Variants in SLC22A25 observed in about 807,000 individuals in gnomAD.
SLC22A25 encodes MGI:2442751, MGI:2385316, MGI:3042283, MGI:3645714, MGI:3605624, MGI:2442750.
SLC22A25 carries 44 observed loss-of-function variants against 45.9 expected under a neutral mutation model. The observed-to-expected ratio is 0.96, with a 90% confidence interval of 0.75 to 1.23. The LOEUF (loss-of-function observed/expected upper bound fraction) is 1.23, where lower values mean the gene tolerates loss of function less well. Ranked by LOEUF, SLC22A25 falls within the 50% of genes most tolerant of loss-of-function variation. The pLI is 0.00. For missense variants in SLC22A25, 800 were observed against 666.4 expected (o/e 1.20, Z -2.21); for synonymous variants, 283 against 238.6 (o/e 1.19, Z -1.72).
At position 63,217,565 on chromosome 11, in the gene SLC22A25, G is replaced by A. The variant is rs371024672; in HGVS notation, c.661+16C>T. 122 of 1,610,186 alleles carry A rather than the reference G, an allele frequency of 7.6e-5. No individual in the cohort carries two copies. The highest frequency in any genetic ancestry group is 5.8e-4 in the South Asian group (53 of 90,672). On this transcript the variant is annotated intron_variant, in intron 6 of 11. Transcript: ENST00000306494. ...AGCCAAGGCTTGGAAAATGTGGATCGAAAATATTGACTTACTTAACAAAAC... is the reference window on the plus strand; with the variant it reads ...AGCCAAGGCTTGGAAAATGTGGATCAAAAATATTGACTTACTTAACAAAAC...
intron 7 of SLC22A25, among the ~76,000 whole-genome samples, chr11:63,192,122 A>C (rs1279975482): frequency 6.6e-6 from 1 of 152,232 alleles, no homozygotes; most frequent in Admixed American, 6.5e-5. Context: ...AGCCCATTGG[A>C]CTAATAGTGG....
intron 3 of SLC22A25, among the ~76,000 whole-genome samples, chr11:63,235,355 T>C (rs772765885): frequency 1.3e-5 from 2 of 152,230 alleles, no homozygotes; most frequent in Non-Finnish European, 2.9e-5. Flanking sequence ...TTTTATTCTT[T>C]TTTTCTCTAA....
chr11:63,187,091 G>T (rs953200053), intron 7 of SLC22A25, among the ~76,000 whole-genome samples: 3 of 152,146 alleles, frequency 2.0e-5, no homozygotes, highest in African/African-American at 4.8e-5. Flanking sequence ...GAAAGTCATT[G>T]GTAGCTTGAT....
chr11:63,192,120 G>A lies in SLC22A25; in HGVS notation c.831-8303C>T, dbSNP rs897237381. 1.3e-5 allele frequency among the ~76,000 whole-genome samples: 2 copies of A among 152,274 alleles called. 1 individual carries two copies. The highest frequency in any genetic ancestry group is 4.1e-4 in the South Asian group (2 of 4,824). On this transcript the variant is annotated intron_variant, in intron 7 of 11. Coordinates refer to ENST00000306494, the MANE Select transcript of SLC22A25 (RefSeq NM_199352.6). ...AGTCACCTACAAAAGGAAGCCCATT[G>A]GACTAATAGTGGGCCTCTCAGATGA...
At position 63,159,270 on chromosome 11, in the gene SLC22A25, GC is replaced by G. The variant is rs1490382112; in HGVS notation, c.*4553del. ...CTTATTTCCTTTCTTTTGGGTATAT[GC>G]CTTTGATATGATTTGGCTGCACCCC... On this transcript the variant is annotated 3_prime_UTR_variant, in exon 12 of 12. Transcript: ENST00000306494. Among the ~76,000 whole-genome samples the G allele has an allele frequency of 6.6e-6, 1 of 152,098 alleles. No homozygotes were observed. The highest frequency in any genetic ancestry group is 1.5e-5 in the Non-Finnish European group (1 of 68,016).
At chr11:63,203,487 C>G (rs1477437421) in intron 7 of SLC22A25, among the ~76,000 whole-genome samples, 1 of 151,780 alleles carries the variant, frequency 6.6e-6, no homozygotes, top group Non-Finnish European at 1.5e-5. Context: ...CTGCAAAACA[C>G]AGCATGAGAA....
At chr11:63,198,373 A>G (rs967391820) in intron 7 of SLC22A25, among the ~76,000 whole-genome samples, 3 of 152,236 alleles carry the variant, frequency 2.0e-5, no homozygotes, top group Admixed American at 2.0e-4. Flanking sequence ...ACACATATAA[A>G]CCATGGAATA....
chr11:63,217,848 A>G, intron 5 of SLC22A25, 113 bp from the exon 6 acceptor site: 1 of 1,262,184 alleles, frequency 7.9e-7, no homozygotes, highest in Non-Finnish European at 1.1e-6. Context: ...GAAACTTTAC[A>G]CTTAAAACGT....
intron 9 of SLC22A25, among the ~76,000 whole-genome samples, chr11:63,176,977 A>G (rs1377312883): frequency 6.6e-6 from 1 of 151,952 alleles, no homozygotes; most frequent in Admixed American, 6.6e-5. Context: ...TTGTCTGGGA[A>G]ACTCTTTATT....
intron 7 of SLC22A25, among the ~76,000 whole-genome samples, chr11:63,208,895 C>T (rs540448227): frequency 4.6e-4 from 70 of 152,188 alleles, no homozygotes; most frequent in African/African-American, 1.5e-3. Context: ...TAACAGGACC[C>T]GGTCTGGTGG....
At chr11:63,188,004 C>T (rs1297060739) in intron 7 of SLC22A25, among the ~76,000 whole-genome samples, 1 of 151,968 alleles carries the variant, frequency 6.6e-6, no homozygotes, top group Admixed American at 6.6e-5. Context: ...GTCTAAAATT[C>T]TCTTTTTTTA....
chr11:63,217,999 G>A lies in SLC22A25; in HGVS notation c.507-264C>T, dbSNP rs981895704. On this transcript the variant is annotated intron_variant, in intron 5 of 11. Transcript: ENST00000306494. ...ATACAAATTCAAAACATGTAAGACA[G>A]GCTGGGATGTTGAAATGTTAACACA... is the stretch of plus-strand genomic sequence containing the variant. The A allele has an allele frequency of 1.5e-5, 9 of 609,194 alleles. No homozygotes were observed. In the Admixed American group the frequency reaches 1.8e-4, roughly 12 times the overall value. 37.7% of individuals were successfully genotyped at this position (609,194 alleles called of 1,614,324 possible).
At chr11:63,232,600 C>T (rs1327114825) in intron 3 of SLC22A25, among the ~76,000 whole-genome samples, 1 of 152,172 alleles carries the variant, frequency 6.6e-6, no homozygotes, top group Non-Finnish European at 1.5e-5. Context: ...TTGACTTCCT[C>T]TTTTCCTAAT....
intron 7 of SLC22A25, among the ~76,000 whole-genome samples, chr11:63,202,626 G>T (rs1022745509): frequency 6.6e-6 from 1 of 152,188 alleles, no homozygotes; most frequent in East Asian, 1.9e-4. Context: ...TCTGGGCAGG[G>T]CATCTCTAAA....
At chr11:63,181,528 G>C (rs1487241216) in intron 8 of SLC22A25, among the ~76,000 whole-genome samples, 1 of 151,686 alleles carries the variant, frequency 6.6e-6, no homozygotes, top group African/African-American at 2.4e-5. Flanking sequence ...TGATGAGAAT[G>C]ATGGATGAAG....
chr11:63,220,175 T>C, intron 5 of SLC22A25: 1 of 381,296 alleles, frequency 2.6e-6, no homozygotes, highest in South Asian at 2.1e-5. Flanking sequence ...ACAAAAAAAA[T>C]CAAGAATCCA....
intron 5 of SLC22A25, chr11:63,217,979 A>C: frequency 1.6e-6 from 1 of 627,696 alleles, no homozygotes; most frequent in South Asian, 1.7e-5. Context: ...CATTGATACA[A>C]ATTCAAAACA....
chr11:63,224,256 T>C (rs757194491), intron 5 of SLC22A25, among the ~76,000 whole-genome samples: 1 of 152,162 alleles, frequency 6.6e-6, no homozygotes, highest in Non-Finnish European at 1.5e-5. Flanking sequence ...GTAGCTAATC[T>C]TGCTCTTTTT....
At chr11:63,235,671 G>A (rs2090150740) in intron 3 of SLC22A25, among the ~76,000 whole-genome samples, 1 of 152,174 alleles carries the variant, frequency 6.6e-6, no homozygotes, top group African/African-American at 2.4e-5. Flanking sequence ...GTCCAGCTTT[G>A]TTCTGTTGCT....
Sources: allele counts gnomAD v4.1 joint callset (sites outside exome capture counted in the v4.1 genomes callset), GRCh38; gene constraint gnomAD v4.1.1; transcripts MANE v1.5; gene names NCBI Gene and HGNC (gene_info 2026-07-23, HGNC 2026-07-21).